TTC7B: variants seen among roughly 807,000 people sequenced by gnomAD.
TTC7B encodes the protein tetratricopeptide repeat protein 7B.
Under a neutral mutation model 106.8 loss-of-function variants are expected in TTC7B, and 28 were observed. That is an observed-to-expected ratio of 0.26 (90% CI 0.19 to 0.36). The LOEUF (loss-of-function observed/expected upper bound fraction) is 0.36. TTC7B is among the 10% of genes least tolerant of loss of function. The probability of loss-of-function intolerance (pLI) is 1.00; values close to 1 mark genes in which losing one functional copy is unlikely to be tolerated. For missense variants in TTC7B, 862 were observed against 1,076.4 expected (o/e 0.80, Z 2.79); for synonymous variants, 405 against 430.6 (o/e 0.94, Z 0.74).
intron 19 of TTC7B, among the ~76,000 whole-genome samples, chr14:90,560,014 C>G (rs1225148726): frequency 2.0e-5 from 3 of 152,336 alleles, no homozygotes; most frequent in African/African-American, 2.4e-5. Flanking sequence ...TGGCAGAGAA[C>G]CTCCATCAGA....
chr14:90,615,232 A>T (rs756329642), intron 16 of TTC7B, among the ~76,000 whole-genome samples: 1 of 152,184 alleles, frequency 6.6e-6, no homozygotes, highest in Non-Finnish European at 1.5e-5. Context: ...TGCTGAGAAT[A>T]TGAAGCTAGG....
At chr14:90,661,807 T>C (rs549764236) in intron 9 of TTC7B, among the ~76,000 whole-genome samples, 1 of 152,370 alleles carries the variant, frequency 6.6e-6, no homozygotes, top group African/African-American at 2.4e-5. Flanking sequence ...ACTGTTTTCC[T>C]GATCAACAAA....
chr14:90,591,312 GC>G (rs1891949077), intron 18 of TTC7B, among the ~76,000 whole-genome samples: 1 of 152,170 alleles, frequency 6.6e-6, no homozygotes, highest in Non-Finnish European at 1.5e-5. Flanking sequence ...TTGTACTCCA[GC>G]CTGGGCCAAA....
chr14:90,555,017 G>A (rs1274795452), intron 19 of TTC7B, among the ~76,000 whole-genome samples: 1 of 152,192 alleles, frequency 6.6e-6, no homozygotes, highest in Non-Finnish European at 1.5e-5. Context: ...TCCAGGTCAG[G>A]AGAAGGAGGG....
At chr14:90,740,082 A>G (rs1889697937) in intron 4 of TTC7B, among the ~76,000 whole-genome samples, 1 of 152,250 alleles carries the variant, frequency 6.6e-6, no homozygotes. Flanking sequence ...AAAACAAACT[A>G]TCAGAGACTA....
chr14:90,658,205 C>T (rs2139900365), intron 10 of TTC7B, 99 bp downstream of exon 10: 1 of 1,042,366 alleles, frequency 9.6e-7, no homozygotes, highest in East Asian at 2.5e-5. Context: ...GCTCGAAAGA[C>T]TTCCACAAAG....
chr14:90,607,148 A>G (rs1456020689), intron 17 of TTC7B, among the ~76,000 whole-genome samples: 1 of 152,126 alleles, frequency 6.6e-6, no homozygotes, highest in Non-Finnish European at 1.5e-5. Flanking sequence ...CATTTTAGAA[A>G]TTTTTCCATA....
intron 3 of TTC7B, among the ~76,000 whole-genome samples, chr14:90,746,081 T>G (rs528129979): frequency 4.6e-4 from 70 of 152,332 alleles, no homozygotes; most frequent in Non-Finnish European, 7.8e-4. Context: ...GTTTTGATAT[T>G]AGGTAAATAC....
intron 3 of TTC7B, among the ~76,000 whole-genome samples, chr14:90,745,707 CTTTT>C (rs530213103): frequency 7.1e-6 from 1 of 140,948 alleles, no homozygotes; most frequent in Non-Finnish European, 1.6e-5. Context: ...TTTTGTTTTT[CTTTT>C]TTTTTTTTTT....
intron 15 of TTC7B, among the ~76,000 whole-genome samples, chr14:90,630,107 C>T (rs138564568): frequency 6.4e-4 from 97 of 152,308 alleles, no homozygotes; most frequent in African/African-American, 2.2e-3. Context: ...ACAAACGTGG[C>T]TTCAAATACA....
intron 15 of TTC7B, among the ~76,000 whole-genome samples, chr14:90,643,503 G>A (rs965745491): frequency 1.3e-5 from 2 of 152,124 alleles, no homozygotes; most frequent in Non-Finnish European, 2.9e-5. Flanking sequence ...GGGAAAGAGT[G>A]GATAAAGTAT....
intron 18 of TTC7B, among the ~76,000 whole-genome samples, chr14:90,591,397 T>C (rs975754278): frequency 6.6e-6 from 1 of 152,164 alleles, no homozygotes; most frequent in African/African-American, 2.4e-5. Flanking sequence ...ATTAAGTTCT[T>C]CAATATTCTA....
intron 1 of TTC7B, among the ~76,000 whole-genome samples, chr14:90,813,645 C>G (rs2031020250): frequency 6.7e-6 from 1 of 149,852 alleles, no homozygotes; most frequent in Admixed American, 6.6e-5. Flanking sequence ...ATCAGTCCCC[C>G]ATCTGGCTGG....
At chr14:90,753,843 C>G (rs561757855) in intron 3 of TTC7B, among the ~76,000 whole-genome samples, 1 of 152,188 alleles carries the variant, frequency 6.6e-6, no homozygotes, top group Admixed American at 6.5e-5. Flanking sequence ...AGGATGCCAG[C>G]CTTGGATTAG....
chr14:90,694,084 A>C (rs1032478828), intron 6 of TTC7B, among the ~76,000 whole-genome samples: 36 of 152,224 alleles, frequency 2.4e-4, no homozygotes, highest in African/African-American at 8.2e-4. Context: ...GCATTATGCT[A>C]AGTGAAGAAA....
chr14:90,563,590 A>G lies in TTC7B; in HGVS notation c.2310+14516T>C, dbSNP rs1421934568. Among the ~76,000 whole-genome samples the G allele has an allele frequency of 3.3e-5, 5 of 152,256 alleles. No individual in the cohort carries two copies. In the East Asian group the frequency reaches 7.7e-4, roughly 24 times the overall value. ...AGGCCCTGGGGCAGTTTCCTACAAT[A>G]AGACAACAGTGGGTACAATAAGACT... On this transcript the variant is annotated intron_variant, in intron 19 of 19. Transcript: ENST00000328459.
chr14:90,707,700 A>G (rs886311850), intron 5 of TTC7B, among the ~76,000 whole-genome samples: 51 of 152,350 alleles, frequency 3.3e-4, no homozygotes, highest in African/African-American at 1.2e-3. Context: ...CAGCCTCAAC[A>G]TTCCCTTAAA....
At chr14:90,733,003 C>G (rs1021914272) in intron 4 of TTC7B, among the ~76,000 whole-genome samples, 9 of 152,164 alleles carry the variant, frequency 5.9e-5, no homozygotes, top group Admixed American at 2.0e-4. Context: ...TGATTTCTGG[C>G]TGTCTCTCTC....
At position 90,600,571 on chromosome 14, in the gene TTC7B, A is replaced by G. The variant is rs1027123440; in HGVS notation, c.1967-6945T>C. On this transcript the variant is annotated intron_variant, in intron 17 of 19. Transcript: ENST00000328459. This position sits in a 1 kb window ranked among gnomAD's most constrained non-coding sequence, Gnocchi z 4.3. ...AGTTTCCCACTGACTTTAACATAATATCAAGCACCGTTTAAACCTGACAGC... is the reference window on the plus strand; with the variant it reads ...AGTTTCCCACTGACTTTAACATAATGTCAAGCACCGTTTAAACCTGACAGC... Among the ~76,000 whole-genome samples, 1 of 152,186 alleles carries G rather than the reference A, an allele frequency of 6.6e-6. No homozygotes were observed. The highest frequency in any genetic ancestry group is 1.9e-4 in the East Asian group (1 of 5,196).
Sources: allele counts gnomAD v4.1 joint callset (sites outside exome capture counted in the v4.1 genomes callset), GRCh38; gene constraint gnomAD v4.1.1; non-coding constraint Gnocchi (gnomAD v3.1); transcripts MANE v1.5; gene names NCBI Gene and HGNC (gene_info 2026-07-23, HGNC 2026-07-21).